The following CPNE5 variants were observed in gnomAD, a reference collection of about 807,000 sequenced individuals.
The protein encoded by CPNE5 is copine 5.
A neutral mutation model predicts 81.1 loss-of-function variants in CPNE5; 42 were observed. That is an observed-to-expected ratio of 0.52 (90% CI 0.40 to 0.67). The LOEUF (loss-of-function observed/expected upper bound fraction) is 0.67. Among genes scored for constraint, CPNE5 ranks in the 30% least tolerant of loss-of-function variants. CPNE5 has a pLI of 0.00. For missense variants in CPNE5, 612 were observed against 815.5 expected, an observed-to-expected ratio of 0.75 and a Z score of 3.04; for synonymous variants, 313 against 321.5, an observed-to-expected ratio of 0.97 and a Z score of 0.28.
intron 8 of CPNE5, among the ~76,000 whole-genome samples, chr6:36,786,297 C>T (rs1408896568): frequency 6.6e-6 from 1 of 152,122 alleles, no homozygotes; most frequent in African/African-American, 2.4e-5. Flanking sequence ...GGGGCGTCAG[C>T]GAACACCCCA....
chr6:36,827,582 CAA>C (rs1772613218), intron 1 of CPNE5: 8 of 985,300 alleles, frequency 8.1e-6, no homozygotes, highest in South Asian at 9.4e-5. Context: ...TCCCCCGCTG[CAA>C]AGGCACAGAC....
chr6:36,745,114 C>T lies in CPNE5; in HGVS notation c.1365G>A (p.Ser455=), dbSNP rs753998421. ...AAAVQDGSQY[S]VLLIITDGVI... is the part of the protein sequence containing the mutation. ...CCCCATCAGTAATGATGAGCAGCAC[C>T]GAGTACTGGGAGCCATCCTGCACGG... The change falls in exon 18 of 21, where the codon TCG becomes TCA. Residue 455 remains serine, a synonymous_variant. Transcript: ENST00000244751. The T allele has an allele frequency of 9.9e-6, 16 of 1,613,896 alleles. No individual in the cohort carries two copies. The highest frequency in any genetic ancestry group is 5.0e-5 in the Admixed American group (3 of 60,002).
rs976318552 is a variant in CPNE5, at chr6:36,796,740, T to C, written c.404+1425A>G. On this transcript the variant is annotated intron_variant, in intron 6 of 20. Transcript: ENST00000244751. ...ATAGAGACCCCCAAAACAGGGGTTTTCCCCCATTCTCAATAAATGATAGCT... is the reference window on the plus strand; with the variant it reads ...ATAGAGACCCCCAAAACAGGGGTTTCCCCCCATTCTCAATAAATGATAGCT... 2.0e-5 allele frequency among the ~76,000 whole-genome samples: 3 copies of C among 152,154 alleles called. No individual in the cohort carries two copies. In the East Asian group the frequency reaches 5.8e-4, roughly 29 times the overall value.
intron 10 of CPNE5, among the ~76,000 whole-genome samples, chr6:36,773,916 A>G (rs997758155): frequency 1.3e-5 from 2 of 152,132 alleles, no homozygotes; most frequent in African/African-American, 4.8e-5. Flanking sequence ...AACACAAAAA[A>G]TTAGCCGGGC....
In CPNE5 at chr6:36,742,286, G is replaced by C. The variant is rs1411843300; in HGVS notation, c.1764C>G (p.Pro588=). 9 of 1,595,432 alleles carry C rather than the reference G, an allele frequency of 5.6e-6. No homozygotes were observed. Among genetic ancestry groups the C allele is most frequent in the Non-Finnish European group, 7.7e-6 (9 of 1,173,178 alleles). ...ACCAGGTTCAGATGTGCGTGTGCAGGGGGGACGCAGGGGGCGTGCGGGCTG... is the reference window on the plus strand; with the variant it reads ...ACCAGGTTCAGATGTGCGTGTGCAGCGGGGACGCAGGGGGCGTGCGGGCTG... ...QSPARTPPAS[P]LHTHI is the part of the protein sequence containing the mutation. Residue 588 remains proline, a synonymous_variant, in exon 21 of 21, where the codon CCC becomes CCG. Coordinates refer to ENST00000244751, the MANE Select transcript of CPNE5 (RefSeq NM_020939.2).
chr6:36,826,526 C>T (rs1772514412), intron 1 of CPNE5, among the ~76,000 whole-genome samples: 1 of 152,186 alleles, frequency 6.6e-6, no homozygotes, highest in Non-Finnish European at 1.5e-5. Flanking sequence ...GTGTGCAGCC[C>T]TCTGACTCGT....
intron 8 of CPNE5, among the ~76,000 whole-genome samples, chr6:36,790,366 C>T (rs1052829611): frequency 3.4e-4 from 52 of 152,168 alleles, no homozygotes; most frequent in East Asian, 1.9e-4. Flanking sequence ...CCAGGAACCC[C>T]GAGGGATCCG....
chr6:36,792,129 C>T, intron 7 of CPNE5, 33 bp from the exon 8 acceptor site: 4 of 1,594,246 alleles, frequency 2.5e-6, no homozygotes, highest in Non-Finnish European at 3.4e-6. Context: ...AATGGAAAGC[C>T]AGACAAAGAC....
chr6:36,741,911 A>G lies in CPNE5; in HGVS notation c.*357T>C. On this transcript the variant is annotated 3_prime_UTR_variant, in exon 21 of 21. Transcript: ENST00000244751. The stretch of plus-strand genomic sequence containing the variant: ...TGGGGGGCTGGAGGAGGCCAAGCCC[A>G]GGCTTCAGGGTGACAGGTAAGCAAA... The G allele has an allele frequency of 4.2e-6, 1 of 240,344 alleles. No homozygotes were observed. The highest frequency in any genetic ancestry group is 8.0e-6 in the Non-Finnish European group (1 of 124,768). The allele number at this position is 240,344 out of a possible 1,614,324, so 14.9% of individuals were successfully genotyped here. A position where few individuals can be genotyped will look rare whatever the true frequency, so the allele number is the denominator to read the frequency against.
intron 14 of CPNE5, among the ~76,000 whole-genome samples, chr6:36,751,768 C>T (rs1402915831): frequency 6.6e-6 from 1 of 151,980 alleles, no homozygotes; most frequent in Non-Finnish European, 1.5e-5. Context: ...GCACTCCAGC[C>T]TGAGTGACAG....
intron 12 of CPNE5, among the ~76,000 whole-genome samples, chr6:36,757,679 A>T (rs1472230787): frequency 6.6e-6 from 1 of 152,214 alleles, no homozygotes; most frequent in Non-Finnish European, 1.5e-5. Flanking sequence ...GACAAGGGCC[A>T]TGGAACAAGG....
intron 18 of CPNE5, 170 bp from the exon 19 acceptor site, chr6:36,744,495 A>C: frequency 1.6e-6 from 1 of 625,844 alleles, no homozygotes; most frequent in East Asian, 2.7e-5. Flanking sequence ...GAGGGCACTC[A>C]GAGATAAAGA....
At chr6:36,824,884 T>A (rs1772368795) in intron 1 of CPNE5, among the ~76,000 whole-genome samples, 1 of 152,190 alleles carries the variant, frequency 6.6e-6, no homozygotes, top group South Asian at 2.1e-4. Context: ...AGGTGGAGGT[T>A]GCAGTGAGCT....
chr6:36,762,288 GCA>G (rs1391625094), intron 12 of CPNE5, among the ~76,000 whole-genome samples: 5 of 142,834 alleles, frequency 3.5e-5, no homozygotes, highest in African/African-American at 1.1e-4. Context: ...ACACGCACGC[GCA>G]CACACACATA....
At chr6:36,792,346 G>A in intron 7 of CPNE5, 2 of 1,516,932 alleles carry the variant, frequency 1.3e-6, no homozygotes, top group Non-Finnish European at 1.8e-6. Context: ...CACCAGGAAG[G>A]GTAGTGCCTG....
At position 36,741,484 on chromosome 6, in the gene CPNE5, G is replaced by C. The variant is rs528232242; in HGVS notation, c.*784C>G. ...CTCAGGCCTCCAGATGGGCAGAGGC[G>C]TGGGCACCGAGGGCCCTGGGAAGCC... On this transcript the variant is annotated 3_prime_UTR_variant, in exon 21 of 21. Coordinates refer to ENST00000244751, the MANE Select transcript of CPNE5 (RefSeq NM_020939.2). 1 of 152,382 alleles carries C rather than the reference G, an allele frequency of 6.6e-6. No individual in the cohort carries two copies. The highest frequency in any genetic ancestry group is 2.4e-5 in the African/African-American group (1 of 41,562). The allele number at this position is 152,382 out of a possible 1,614,324, so 9.4% of individuals were successfully genotyped here.
chr6:36,765,735 T>C (rs1461531317), intron 10 of CPNE5, among the ~76,000 whole-genome samples: 5 of 151,434 alleles, frequency 3.3e-5, no homozygotes, highest in Non-Finnish European at 5.9e-5. Flanking sequence ...AGCGGGGAGG[T>C]GGGAGTGTGG....
chr6:36,798,359 C>T (rs529742164), intron 5 of CPNE5, 96 bp downstream of exon 5: 22 of 1,505,580 alleles, frequency 1.5e-5, no homozygotes, highest in African/African-American at 9.6e-5. Flanking sequence ...GACGCAGCGT[C>T]GGACACACAT....
At chr6:36,832,925 A>G (rs1773082607) in intron 1 of CPNE5, among the ~76,000 whole-genome samples, 1 of 152,206 alleles carries the variant, frequency 6.6e-6, no homozygotes, top group South Asian at 2.1e-4. Flanking sequence ...TCTGGATGGC[A>G]TCGAAGGCTG....
Sources: allele counts gnomAD v4.1 joint callset (sites outside exome capture counted in the v4.1 genomes callset), GRCh38; gene constraint gnomAD v4.1.1; transcripts MANE v1.5; gene names NCBI Gene and HGNC (gene_info 2026-07-23, HGNC 2026-07-21).